Variants in SIM1 observed in about 807,000 individuals in gnomAD.
The protein encoded by SIM1 is SIM bHLH transcription factor 1.
SIM1 carries 18 observed loss-of-function variants against 78.2 expected under a neutral mutation model. That is an observed-to-expected ratio of 0.23 (90% CI 0.16 to 0.34). The LOEUF is 0.34. SIM1 is among the 10% of genes least tolerant of loss of function. The probability of loss-of-function intolerance (pLI) is 1.00; values close to 1 mark genes in which losing one functional copy is unlikely to be tolerated. For missense variants in SIM1, 939 were observed against 975.1 expected, an observed-to-expected ratio of 0.96 and a Z score of 0.49; for synonymous variants, 417 against 385.2, an observed-to-expected ratio of 1.08 and a Z score of -0.97.
chr6:100,399,727 A>T (rs1770860336), intron 10 of SIM1, among the ~76,000 whole-genome samples: 1 of 152,100 alleles, frequency 6.6e-6, no homozygotes, highest in East Asian at 1.9e-4. Context: ...GCATTCAGTA[A>T]GTATTAAATA....
chr6:100,417,662 C>T (rs1252525817), intron 10 of SIM1, among the ~76,000 whole-genome samples: 1 of 152,136 alleles, frequency 6.6e-6, no homozygotes, highest in Non-Finnish European at 1.5e-5. Context: ...ATGAGTTTGC[C>T]CTGGACAACA....
intron 10 of SIM1, among the ~76,000 whole-genome samples, chr6:100,416,474 C>A (rs879619674): frequency 6.6e-6 from 1 of 152,082 alleles, no homozygotes; most frequent in African/African-American, 2.4e-5. Flanking sequence ...CAAGACATTA[C>A]CCTATGAGTC....
chr6:100,406,131 T>C (rs1017180247), intron 10 of SIM1, among the ~76,000 whole-genome samples: 2 of 152,200 alleles, frequency 1.3e-5, no homozygotes, highest in African/African-American at 4.8e-5. Flanking sequence ...ATAGATAATG[T>C]AGAAATAGTT....
At chr6:100,427,392 A>T (rs1771763994) in intron 9 of SIM1, 1 of 152,178 alleles carries the variant, frequency 6.6e-6, no homozygotes, top group African/African-American at 2.4e-5. Context: ...GTTTTACATA[A>T]ACATACATTG....
intron 10 of SIM1, among the ~76,000 whole-genome samples, chr6:100,412,010 T>G (rs573616045): frequency 5.3e-5 from 8 of 151,948 alleles, no homozygotes; most frequent in Admixed American, 1.3e-4. Flanking sequence ...CGGGGAAGGT[T>G]ATTTAGGGCC....
At chr6:100,443,098 T>G (rs1211143613) in intron 9 of SIM1, among the ~76,000 whole-genome samples, 1 of 152,022 alleles carries the variant, frequency 6.6e-6, no homozygotes, top group Non-Finnish European at 1.5e-5. Flanking sequence ...AAGTACTGTA[T>G]GTCACCTTTG....
At position 100,388,366 on chromosome 6, in the gene SIM1, C is replaced by T. The variant is rs1215326070; in HGVS notation, c.*1995G>A. On this transcript the variant is annotated 3_prime_UTR_variant, in exon 12 of 12. Coordinates refer to ENST00000369208, the MANE Select transcript of SIM1 (RefSeq NM_005068.3). ...ATCTGCATTTGATTGGAAAAAAAAC[C>T]ACACATAAGTGAATCTGCACAGTTC... 2 of 152,106 alleles carry T rather than the reference C, an allele frequency of 1.3e-5. No homozygotes were observed. Among genetic ancestry groups the T allele is most frequent in the Non-Finnish European group, 2.9e-5 (2 of 68,012 alleles). 9.4% of individuals were successfully genotyped at this position (152,106 alleles called of 1,614,324 possible).
At chr6:100,431,739 T>C (rs1451790608) in intron 9 of SIM1, among the ~76,000 whole-genome samples, 1 of 152,192 alleles carries the variant, frequency 6.6e-6, no homozygotes, top group African/African-American at 2.4e-5. Flanking sequence ...CAGGTTTTTA[T>C]GATTTATAGG....
rs569131355 is a variant in SIM1, at chr6:100,450,963, G to A, written c.259-607C>T. Among the ~76,000 whole-genome samples the A allele has an allele frequency of 1.2e-3, 188 of 152,232 alleles. 2 individuals are homozygous for A. Among genetic ancestry groups the A allele is most frequent in the Admixed American group, 4.6e-3 (70 of 15,304 alleles). On this transcript the variant is annotated intron_variant, in intron 3 of 11. Transcript: ENST00000369208. ...TAAGTCCACAGAGTATTGCCATAGG[G>A]TGTATGTGTGTGTAAGTTTACATTG...
chr6:100,414,769 T>C (rs573655335), intron 10 of SIM1, among the ~76,000 whole-genome samples: 2 of 152,326 alleles, frequency 1.3e-5, no homozygotes, highest in South Asian at 4.1e-4. Flanking sequence ...TATTGACCCT[T>C]CTGATATCTG....
At chr6:100,424,245 T>C (rs919416647) in intron 9 of SIM1, among the ~76,000 whole-genome samples, 1 of 152,114 alleles carries the variant, frequency 6.6e-6, no homozygotes, top group Non-Finnish European at 1.5e-5. Flanking sequence ...AGAAGAGTTA[T>C]ACAAATACTC....
At chr6:100,412,687 GAAAGAAAGAAAGAAAGAA>G (rs1771261934) in intron 10 of SIM1, among the ~76,000 whole-genome samples, 1 of 23,942 alleles carries the variant, frequency 4.2e-5, no homozygotes, top group Non-Finnish European at 7.8e-5. Context: ...GAAAGAAAAA[GAAAGAAAGAAAGAAAGAA>G]AGAAAGAAAG....
At chr6:100,415,206 A>T (rs1771367420) in intron 10 of SIM1, among the ~76,000 whole-genome samples, 1 of 152,238 alleles carries the variant, frequency 6.6e-6, no homozygotes, top group South Asian at 2.1e-4. Context: ...TTTATTCATG[A>T]TTGACATGAC....
At chr6:100,425,743 C>T (rs947119175) in intron 9 of SIM1, among the ~76,000 whole-genome samples, 6 of 152,196 alleles carry the variant, frequency 3.9e-5, no homozygotes, top group African/African-American at 1.2e-4. Context: ...TCTGGCCCTA[C>T]CCTCTTCCTT....
intron 9 of SIM1, among the ~76,000 whole-genome samples, chr6:100,429,172 C>A (rs551381130): frequency 6.6e-6 from 1 of 152,208 alleles, no homozygotes; most frequent in African/African-American, 2.4e-5. Context: ...AGTTTGAGAC[C>A]AATTTGGCCA....
chr6:100,450,696 T>TCTCTCTCTCTCTCTCTCACA (rs1421452803), intron 3 of SIM1, among the ~76,000 whole-genome samples: 11 of 91,928 alleles, frequency 1.2e-4, no homozygotes, highest in South Asian at 4.7e-4. Context: ...TCTCTCTCTC[T>TCTCTCTCTCTCTCTCTCACA]CACACACACA....
chr6:100,421,095 C>T (rs1022967460), intron 9 of SIM1, 137 bp from the exon 10 acceptor site: 6 of 771,480 alleles, frequency 7.8e-6, no homozygotes, highest in African/African-American at 7.0e-5. Context: ...CTTCCACAAG[C>T]ACCTGGATTA....
chr6:100,446,029 C>T (rs542080465), intron 9 of SIM1, among the ~76,000 whole-genome samples: 1 of 150,188 alleles, frequency 6.7e-6, no homozygotes, highest in African/African-American at 2.5e-5. Flanking sequence ...ATATTAACAC[C>T]GTTTACTAAG....
At chr6:100,462,380 A>G (rs978985158) in intron 2 of SIM1, among the ~76,000 whole-genome samples, 2 of 152,254 alleles carry the variant, frequency 1.3e-5, no homozygotes, top group African/African-American at 2.4e-5. Flanking sequence ...GAATCCAAGT[A>G]AAGGAAAAGA....
Sources: gnomAD v4.1 joint callset for allele counts (sites outside exome capture counted in the v4.1 genomes callset) on GRCh38, gnomAD v4.1.1 for gene constraint, MANE v1.5 for transcripts, NCBI Gene and HGNC (gene_info 2026-07-23, HGNC 2026-07-21) for gene names.